NEK11: variants seen among roughly 807,000 people sequenced by gnomAD.
The protein encoded by NEK11 is NIMA related kinase 11.
In NEK11, 72 loss-of-function variants were observed where a neutral mutation model predicts 80.7. The observed-to-expected ratio is 0.89, with a 90% CI of 0.74 to 1.08. NEK11 has a LOEUF of 1.08. NEK11 is among the 50% of genes least tolerant of loss of function. The pLI, the probability that NEK11 is intolerant of heterozygous loss-of-function variation, is 0.00. For missense variants in NEK11, 764 were observed against 763.6 expected, an observed-to-expected ratio of 1.00 and a Z score of -0.01; for synonymous variants, 251 against 260.7, an observed-to-expected ratio of 0.96 and a Z score of 0.36.
intron 4 of NEK11, among the ~76,000 whole-genome samples, chr3:131,084,363 C>A (rs2075705385): frequency 6.6e-6 from 1 of 152,188 alleles, no homozygotes; most frequent in African/African-American, 2.4e-5. Context: ...TGCCTCCCAC[C>A]TGATTTCTGT....
At position 131,287,037 on chromosome 3, in the gene NEK11, C is replaced by T. The variant is rs534151345; in HGVS notation, c.1718+13463C>T. ...TAGAAAAACTGGAAGAATATTAGAG[C>T]CCTAGTATTGCCCACTCCATATGAA... On this transcript the variant is annotated intron_variant, in intron 17 of 17. Transcript: ENST00000383366. 9.2e-5 allele frequency among the ~76,000 whole-genome samples: 14 copies of T among 152,250 alleles called. No individual in the cohort carries two copies. The South Asian group carries it at 2.9e-3, about 32-fold the overall frequency.
intron 3 of NEK11, among the ~76,000 whole-genome samples, chr3:131,035,901 T>G (rs1206353996): frequency 6.6e-6 from 1 of 152,176 alleles, no homozygotes; most frequent in Non-Finnish European, 1.5e-5. Context: ...TAAGACCCAG[T>G]GTTTATCTAC....
chr3:131,203,041 A>G (rs1333036750), intron 14 of NEK11, among the ~76,000 whole-genome samples: 1 of 152,198 alleles, frequency 6.6e-6, no homozygotes, highest in Non-Finnish European at 1.5e-5. Flanking sequence ...GGGATCTAGA[A>G]CTAGAAATAC....
At chr3:131,030,163 C>T (rs746366751) in intron 3 of NEK11, among the ~76,000 whole-genome samples, 1 of 151,852 alleles carries the variant, frequency 6.6e-6, no homozygotes, top group Non-Finnish European at 1.5e-5. Flanking sequence ...TGCTTAAACC[C>T]AGGAGGTGGA....
chr3:131,228,385 C>A, intron 14 of NEK11, 143 bp from the exon 15 acceptor site: 1 of 579,696 alleles, frequency 1.7e-6, no homozygotes, highest in Non-Finnish European at 2.8e-6. Context: ...CAAATACTTC[C>A]AGGAAGCTGA....
chr3:131,098,559 G>A (rs923763216), intron 4 of NEK11, among the ~76,000 whole-genome samples: 31 of 149,040 alleles, frequency 2.1e-4, no homozygotes, highest in African/African-American at 6.9e-4. Context: ...AGGAGTGCCT[G>A]TTCATGTCCT....
At chr3:131,234,677 C>T (rs888235392) in intron 15 of NEK11, among the ~76,000 whole-genome samples, 2 of 152,078 alleles carry the variant, frequency 1.3e-5, no homozygotes, top group Non-Finnish European at 2.9e-5. Flanking sequence ...CCCCTTCTCT[C>T]TCTCCCATTT....
At chr3:131,148,400 G>A (rs966521489) in intron 7 of NEK11, among the ~76,000 whole-genome samples, 2 of 151,914 alleles carry the variant, frequency 1.3e-5, no homozygotes, top group African/African-American at 4.8e-5. Flanking sequence ...TGAAGAGGTT[G>A]AGTAAGATTA....
At chr3:131,130,855 G>T (rs1243603011) in intron 5 of NEK11, among the ~76,000 whole-genome samples, 2 of 152,150 alleles carry the variant, frequency 1.3e-5, no homozygotes, top group Non-Finnish European at 2.9e-5. Flanking sequence ...AGGCTGGAGT[G>T]CAGTGGGGTG....
chr3:131,308,958 T>A (rs1369256799), intron 17 of NEK11, among the ~76,000 whole-genome samples: 1 of 152,192 alleles, frequency 6.6e-6, no homozygotes, highest in African/African-American at 2.4e-5. Context: ...CATATGCAGT[T>A]CACCACAGAG....
intron 6 of NEK11, chr3:131,133,313 G>A (rs2149594122): frequency 2.2e-6 from 1 of 453,348 alleles, no homozygotes; most frequent in African/African-American, 2.0e-5. Flanking sequence ...GGGTGTACTT[G>A]GGGAAGGAAG....
chr3:131,150,431 A>C (rs915558720), intron 7 of NEK11, among the ~76,000 whole-genome samples: 8 of 151,946 alleles, frequency 5.3e-5, no homozygotes, highest in African/African-American at 1.9e-4. Context: ...CATGATGCAC[A>C]TGCACACACG....
At chr3:131,076,396 T>G (rs947386359) in intron 3 of NEK11, among the ~76,000 whole-genome samples, 5 of 152,234 alleles carry the variant, frequency 3.3e-5, no homozygotes, top group African/African-American at 1.2e-4. Flanking sequence ...ATTTTCCTTA[T>G]GTTGTGTTTT....
At chr3:131,148,740 TAC>T (rs1230112404) in intron 7 of NEK11, among the ~76,000 whole-genome samples, 3 of 51,516 alleles carry the variant, frequency 5.8e-5, no homozygotes, top group Non-Finnish European at 7.5e-5. Context: ...GCAGGTTTGT[TAC>T]AGATATATAT....
chr3:131,242,214 A>C lies in NEK11; in HGVS notation c.1561-1222A>C, dbSNP rs532645245. Among the ~76,000 whole-genome samples, 161 of 152,276 alleles carry C rather than the reference A, an allele frequency of 1.1e-3. 1 individual carries two copies. The highest frequency in any genetic ancestry group is 2.0e-3 in the Non-Finnish European group (136 of 68,016). ...CTGTGGGACAGTTTTTCAGAATTGA[A>C]TCTTACAAGATATTCCTCATGTCTC... On this transcript the variant is annotated intron_variant, in intron 15 of 17. Transcript: ENST00000383366.
intron 17 of NEK11, among the ~76,000 whole-genome samples, chr3:131,298,605 G>A (rs1239005339): frequency 6.6e-6 from 1 of 152,044 alleles, no homozygotes; most frequent in Non-Finnish European, 1.5e-5. Context: ...TTCCTATATA[G>A]GCAAAATGGT....
chr3:131,226,530 A>T (rs2095203349), intron 14 of NEK11, among the ~76,000 whole-genome samples: 1 of 152,168 alleles, frequency 6.6e-6, no homozygotes, highest in Non-Finnish European at 1.5e-5. Context: ...TTTTGCAGCA[A>T]CCTGGATGGA....
At position 131,233,034 on chromosome 3, in the gene NEK11, A is replaced by AGGT. The variant is rs1561112311; in HGVS notation, c.1560+4346_1560+4347insGGT. Reference sequence around the variant, plus strand: ...GAAGGAAGGAAGGAAGGAAGGAAGGAAGGTTGGATGAGAACCTCAGGCTGC... The same window carrying AGGT: ...GAAGGAAGGAAGGAAGGAAGGAAGGAGGTAGGTTGGATGAGAACCTCAGGCTGC... On this transcript the variant is annotated intron_variant, in intron 15 of 17. Transcript: ENST00000383366. Among the ~76,000 whole-genome samples, 6 of 140,634 alleles carry AGGT rather than the reference A, an allele frequency of 4.3e-5. No individual in the cohort carries two copies. In the Admixed American group the frequency reaches 4.3e-4, roughly 10 times the overall value. The allele number at this position is 140,634 out of a possible 152,430, so 92.3% of individuals were successfully genotyped here. A position where few individuals can be genotyped will look rare whatever the true frequency, so the allele number is the denominator to read the frequency against.
chr3:131,325,117 T>G (rs1002700572), intron 17 of NEK11: 3 of 152,158 alleles, frequency 2.0e-5, no homozygotes, highest in South Asian at 2.1e-4. Context: ...TCCAGCAGAT[T>G]TATTAATAAA....
Sources: gnomAD v4.1 joint callset for allele counts (sites outside exome capture counted in the v4.1 genomes callset) on GRCh38, gnomAD v4.1.1 for gene constraint, MANE v1.5 for transcripts, NCBI Gene and HGNC (gene_info 2026-07-23, HGNC 2026-07-21) for gene names.